Variants in PSD4 observed in about 807,000 individuals in gnomAD.
PSD4 encodes PH and SEC7 domain-containing protein 4.
PSD4 carries 59 observed loss-of-function variants against 112.5 expected under a neutral mutation model. The observed-to-expected ratio is 0.52, with a 90% confidence interval of 0.43 to 0.65. The LOEUF (loss-of-function observed/expected upper bound fraction) is 0.65, where lower values mean the gene tolerates loss of function less well. Ranked by LOEUF, PSD4 falls within the 30% of genes least tolerant of loss-of-function variation. The pLI is 0.00. For synonymous variants in PSD4, 533 were observed against 540.0 expected (o/e 0.99, Z 0.18); for missense variants, 1,267 against 1,352.6 (o/e 0.94, Z 0.99).
chr2:113,180,775 T>C (rs562350218), intron 1 of PSD4, among the ~76,000 whole-genome samples: 2 of 152,338 alleles, frequency 1.3e-5, no homozygotes, highest in East Asian at 3.9e-4. Flanking sequence ...CTTGGGTATC[T>C]GGAAGTCACA....
chr2:113,198,834 C>A lies in PSD4; in HGVS notation c.2719C>A (p.Arg907Ser), dbSNP rs1181445287. The A allele has an allele frequency of 1.3e-6, 2 of 1,599,296 alleles. No individual in the cohort carries two copies. The highest frequency in any genetic ancestry group is 1.1e-5 in the South Asian group (1 of 90,892). ...CTTCCCCGCCGCTGTGGGCTCCCAG[C>A]GCAGATTCGTGCGGCCCATCCTGCC... ...PPFPAAVGSQ[R>S]RFVRPILPVG... The change falls in exon 15 of 17, where the codon CGC becomes AGC. Residue 907 changes from arginine (R) to serine (S), a missense_variant. Physicochemically the swap from Arg to Ser is moderately radical, Grantham distance 110. Transcript: ENST00000245796.
chr2:113,179,458 G>A (rs1688068204), intron 1 of PSD4, among the ~76,000 whole-genome samples: 1 of 152,184 alleles, frequency 6.6e-6, no homozygotes. Context: ...CCAAGAGAGG[G>A]TTCTTGGATC....
chr2:113,204,019 A>G lies in PSD4; in HGVS notation c.*2604A>G, dbSNP rs937578748. On this transcript the variant is annotated 3_prime_UTR_variant, in exon 17 of 17. Transcript: ENST00000245796. ...GATGATGGTGGCTGCCTGGCCTGCC[A>G]TAGTCAATGCTGCCCAGGCACCTCT... 6.6e-6 allele frequency: 1 copy of G among 152,290 alleles called. No homozygotes were observed. The highest frequency in any genetic ancestry group is 2.4e-5 in the African/African-American group (1 of 41,482). The allele number at this position is 152,290 out of a possible 1,614,324, so 9.4% of individuals were successfully genotyped here. A position where few individuals can be genotyped will look rare whatever the true frequency, so the allele number is the denominator to read the frequency against.
intron 12 of PSD4, 150 bp downstream of exon 12, chr2:113,196,457 G>C: frequency 9.9e-7 from 1 of 1,007,546 alleles, no homozygotes; most frequent in Admixed American, 2.7e-5. Flanking sequence ...GTACTGAACA[G>C]TGACCATGTG....
rs750466318 is a variant in PSD4, at chr2:113,196,320, T to C, written c.2386+13T>C. Reference sequence around the variant, plus strand: ...GACGGCAAGAAGAGTGAGTGTCTGCTGCCCACAAACAGGGTGGCGTGCTGG... The same window carrying C: ...GACGGCAAGAAGAGTGAGTGTCTGCCGCCCACAAACAGGGTGGCGTGCTGG... On this transcript the variant is annotated intron_variant, in intron 12 of 16. Transcript: ENST00000245796. 7 of 1,607,734 alleles carry C rather than the reference T, an allele frequency of 4.4e-6. No individual in the cohort carries two copies. In the East Asian group the frequency reaches 1.6e-4, roughly 36 times the overall value.
chr2:113,192,438 G>A lies in PSD4; in HGVS notation c.1687G>A (p.Ala563Thr), dbSNP rs1292585239. Residue 563 changes from alanine to threonine, a missense_variant, in exon 6 of 17, where the codon GCA becomes ACA. Transcript: ENST00000245796. ...GCTTCCTGGGAGCCCTATGCCCCAA[G>A]CACAGTCCCCAGAGGAAGGCCAGAG... ...SWLPGSPMPQ[A>T]QSPEEGQRPP... 3.1e-6 allele frequency: 5 copies of A among 1,614,202 alleles called. No individual in the cohort carries two copies. The highest frequency in any genetic ancestry group is 1.3e-5 in the African/African-American group (1 of 75,052).
chr2:113,183,498 C>G lies in PSD4; in HGVS notation c.1042C>G (p.His348Asp). 6.3e-7 allele frequency: 1 copy of G among 1,579,704 alleles called. No homozygotes were observed. The highest frequency in any genetic ancestry group is 8.6e-7 in the Non-Finnish European group (1 of 1,165,280). The change falls in exon 2 of 17, where the codon CAC (histidine) becomes GAC (aspartate). Residue 348 changes from histidine to aspartate, a missense_variant. Transcript: ENST00000245796. ...GGGGGCTCCTGCAGCACCTCCTGGT[C>G]ACGGGGAGAGTGAGGTAAGCCCAGT... ...AEGAPAAPPG[H>D]GESEGDRLGP...
rs1688779227 is a variant in PSD4, at chr2:113,201,508, G to A, written c.*93G>A. 1.3e-6 allele frequency: 2 copies of A among 1,493,062 alleles called. No homozygotes were observed. Among genetic ancestry groups the A allele is most frequent in the African/African-American group, 1.4e-5 (1 of 72,592 alleles). 92.5% of individuals were successfully genotyped at this position (1,493,062 alleles called of 1,614,324 possible). On this transcript the variant is annotated 3_prime_UTR_variant, in exon 17 of 17. Transcript: ENST00000245796. The stretch of plus-strand genomic sequence containing the variant: ...AGACTTATTTCAATGAGTCCACCAT[G>A]ACGGATGAGGCACCTCCTTTCCCTG...
intron 1 of PSD4, among the ~76,000 whole-genome samples, chr2:113,178,976 G>A (rs930305748): frequency 6.6e-6 from 1 of 152,140 alleles, no homozygotes; most frequent in Non-Finnish European, 1.5e-5. Context: ...TAAACCAGGT[G>A]CTTCTCCCCA....
intron 1 of PSD4, among the ~76,000 whole-genome samples, chr2:113,177,842 C>T (rs1207348132): frequency 6.6e-6 from 1 of 152,198 alleles, no homozygotes; most frequent in Non-Finnish European, 1.5e-5. Flanking sequence ...GGTAAACACA[C>T]TGGCAACTAC....
At chr2:113,183,950 G>A (rs45479496) in intron 2 of PSD4, among the ~76,000 whole-genome samples, 1 of 152,288 alleles carries the variant, frequency 6.6e-6, no homozygotes, top group Non-Finnish European at 1.5e-5. Flanking sequence ...TATTTCAAAA[G>A]TCCAGTCCTC....
At position 113,183,089 on chromosome 2, in the gene PSD4, A is replaced by T; in HGVS notation, c.633A>T (p.Ser211=). 6.2e-7 allele frequency: 1 copy of T among 1,613,266 alleles called. No individual in the cohort carries two copies. The highest frequency in any genetic ancestry group is 8.5e-7 in the Non-Finnish European group (1 of 1,179,430). ...CCAGCCCACCTGAGAATGAAGACTC[A>T]GGGGAAGACAGCAGTGAGCCTGAGG... ...LHSSPPENED[S]GEDSSEPEGE... The change falls in exon 2 of 17, where the codon TCA becomes TCT. Residue 211 remains serine (S), a synonymous_variant. Transcript: ENST00000245796.
At chr2:113,185,143 C>A in intron 3 of PSD4, 70 bp downstream of exon 3, 1 of 1,606,652 alleles carries the variant, frequency 6.2e-7, no homozygotes, top group South Asian at 1.1e-5. Flanking sequence ...CCATTCATTT[C>A]CAGGGCCTAG....
chr2:113,182,026 C>G (rs1003584217), intron 1 of PSD4, among the ~76,000 whole-genome samples: 1 of 152,230 alleles, frequency 6.6e-6, no homozygotes, highest in Non-Finnish European at 1.5e-5. Context: ...CCACCTCGGT[C>G]TCCACACTCT....
chr2:113,185,724 T>G, intron 4 of PSD4, 153 bp from the exon 5 acceptor site: 2 of 1,549,440 alleles, frequency 1.3e-6, no homozygotes, highest in Non-Finnish European at 1.7e-6. Context: ...GTCTGCTGCC[T>G]CTGCAAGTGG....
chr2:113,185,632 A>G (rs45555437), intron 4 of PSD4, 192 bp downstream of exon 4: 5 of 1,548,162 alleles, frequency 3.2e-6, no homozygotes, highest in Non-Finnish European at 4.4e-6. Context: ...AAGGACCAGC[A>G]TTTCTTACCG....
At chr2:113,186,374 CA>C in intron 5 of PSD4, 119 bp downstream of exon 5, 1 of 1,152,288 alleles carries the variant, frequency 8.7e-7, no homozygotes, top group Non-Finnish European at 1.2e-6. Flanking sequence ...ATTTATTAAG[CA>C]AGGATTATAT....
rs1345420023 is a variant in PSD4 at position 113,205,192 on chromosome 2, T to C, written c.*3777T>C. On this transcript the variant is annotated 3_prime_UTR_variant, in exon 17 of 17. Transcript: ENST00000245796. ...CATGTTGGTCAGGCTGGTCTCAAACTCCTGACCTCAAGTGATCCAGCTGCC... is the reference window on the plus strand; with the variant it reads ...CATGTTGGTCAGGCTGGTCTCAAACCCCTGACCTCAAGTGATCCAGCTGCC... 1 of 150,542 alleles carries C rather than the reference T, an allele frequency of 6.6e-6. No individual in the cohort carries two copies. The highest frequency in any genetic ancestry group is 1.5e-5 in the Non-Finnish European group (1 of 67,790). The allele number at this position is 150,542 out of a possible 1,614,324, so 9.3% of individuals were successfully genotyped here.
chr2:113,183,278 T>A lies in PSD4; in HGVS notation c.822T>A (p.His274Gln), dbSNP rs569301016. Residue 274 changes from histidine to glutamine, a missense_variant, in exon 2 of 17, where the codon CAT (histidine) becomes CAA (glutamine). His to Gln is a conservative substitution (Grantham distance 24). Transcript: ENST00000245796. ...TTTCCTGGGGGGCTTCAGACTCCCATGCAGGTGTGAGGACTGGACCTGAGA... is the reference window on the plus strand; with the variant it reads ...TTTCCTGGGGGGCTTCAGACTCCCAAGCAGGTGTGAGGACTGGACCTGAGA... ...ECFSWGASDSHAGVRTGPESP... is the reference protein window; with the variant it reads ...ECFSWGASDSQAGVRTGPESP... 1 of 1,614,006 alleles carries A rather than the reference T, an allele frequency of 6.2e-7. No homozygotes were observed. The highest frequency in any genetic ancestry group is 1.1e-5 in the South Asian group (1 of 91,072).
Sources: gnomAD v4.1 joint callset for allele counts (sites outside exome capture counted in the v4.1 genomes callset) on GRCh38, gnomAD v4.1.1 for gene constraint, MANE v1.5 for transcripts, NCBI Gene and HGNC (gene_info 2026-07-23, HGNC 2026-07-21) for gene names.